The following PSEN1 variants were observed in gnomAD, a reference collection of about 807,000 sequenced individuals.
The protein encoded by PSEN1 is presenilin 1.
Under a neutral mutation model 53.5 loss-of-function variants are expected in PSEN1, and 15 were observed. The observed-to-expected ratio is 0.28, with a 90% CI of 0.19 to 0.43. PSEN1 has a LOEUF of 0.43. Ranked by LOEUF, PSEN1 falls within the 20% of genes least tolerant of loss-of-function variation. The pLI is 1.00. For synonymous variants in PSEN1, 208 were observed against 209.8 expected, an observed-to-expected ratio of 0.99 and a Z score of 0.08; for missense variants, 387 against 571.2, an observed-to-expected ratio of 0.68 and a Z score of 3.29.
intron 8 of PSEN1, among the ~76,000 whole-genome samples, chr14:73,199,777 G>C (rs374039699): frequency 1.3e-5 from 2 of 152,092 alleles, no homozygotes; most frequent in African/African-American, 4.8e-5. Context: ...ACTGAGTCTC[G>C]CTCTGTCATG....
intron 5 of PSEN1, among the ~76,000 whole-genome samples, chr14:73,184,587 G>C: frequency 7.3e-6 from 1 of 136,344 alleles, no homozygotes; most frequent in Admixed American, 7.0e-5. Context: ...TCCCAGTAGG[G>C]GCGGCCGGGC....
At chr14:73,201,291 T>C (rs1899178662) in intron 8 of PSEN1, among the ~76,000 whole-genome samples, 1 of 152,152 alleles carries the variant, frequency 6.6e-6, no homozygotes. Flanking sequence ...TTTCACCATG[T>C]TAGCCAGGAT....
At position 73,209,040 on chromosome 14, in the gene PSEN1, A is replaced by G. The variant is rs10148612; in HGVS notation, c.955+2568A>G. ...GCCCCAAGCGCCCGCACACCCGGCC[A>G]GGTCATGACAGCACCCAGCCTCAGC... On this transcript the variant is annotated intron_variant, in intron 9 of 11. Transcript: ENST00000324501. The G allele has an allele frequency of 7.7e-3, 2,589 of 335,698 alleles. 65 individuals are homozygous for G. Among genetic ancestry groups the G allele is most frequent in the African/African-American group, 0.051 (2,336 of 46,108 alleles). The allele number at this position is 335,698 out of a possible 1,614,324, so 20.8% of individuals were successfully genotyped here.
chr14:73,175,749 C>T (rs1898031897), intron 5 of PSEN1, among the ~76,000 whole-genome samples: 1 of 152,146 alleles, frequency 6.6e-6, no homozygotes, highest in African/African-American at 2.4e-5. Context: ...ACAGTAATAT[C>T]TGTCTTTATG....
intron 5 of PSEN1, among the ~76,000 whole-genome samples, chr14:73,186,397 A>T (rs1898513512): frequency 6.6e-6 from 1 of 152,078 alleles, no homozygotes; most frequent in Non-Finnish European, 1.5e-5. Context: ...AAAAAAGAAT[A>T]TTCAAATGTC....
chr14:73,190,485 T>TAA (rs78682030), intron 6 of PSEN1, among the ~76,000 whole-genome samples: 3 of 133,050 alleles, frequency 2.3e-5, no homozygotes, highest in Non-Finnish European at 3.2e-5. Context: ...TGTCTCTATT[T>TAA]AAAAAAAAAA....
At chr14:73,157,282 C>T (rs1444772470) in intron 3 of PSEN1, among the ~76,000 whole-genome samples, 1 of 151,800 alleles carries the variant, frequency 6.6e-6, no homozygotes, top group Admixed American at 6.6e-5. Context: ...CGCACCACCA[C>T]ACCCAGCTAA....
intron 3 of PSEN1, among the ~76,000 whole-genome samples, chr14:73,151,611 A>C (rs1332545011): frequency 1.3e-5 from 2 of 152,110 alleles, no homozygotes; most frequent in African/African-American, 4.8e-5. Flanking sequence ...GCTGGAGTGC[A>C]GTGGTGCAAT....
intron 1 of PSEN1, among the ~76,000 whole-genome samples, chr14:73,146,299 C>T (rs1013650695): frequency 6.6e-6 from 1 of 151,848 alleles, no homozygotes; most frequent in Non-Finnish European, 1.5e-5. Context: ...GCCATCCCCC[C>T]ACCTCAGCCT....
intron 10 of PSEN1, among the ~76,000 whole-genome samples, chr14:73,215,637 G>C (rs963580130): frequency 6.6e-6 from 1 of 151,998 alleles, no homozygotes; most frequent in Non-Finnish European, 1.5e-5. Flanking sequence ...ATATATAAAG[G>C]ATGCTTACAA....
At chr14:73,218,682 C>A (rs1238630373) in intron 11 of PSEN1, among the ~76,000 whole-genome samples, 1 of 150,988 alleles carries the variant, frequency 6.6e-6, no homozygotes, top group East Asian at 1.9e-4. Context: ...ATAGAGAATG[C>A]CCCCGCACAG....
chr14:73,191,653 C>A (rs1471755700), intron 6 of PSEN1, among the ~76,000 whole-genome samples: 1 of 151,980 alleles, frequency 6.6e-6, no homozygotes. Flanking sequence ...CTCAAGCTAT[C>A]TTCCTGCCCC....
intron 3 of PSEN1, among the ~76,000 whole-genome samples, chr14:73,155,715 CG>C (rs949926214): frequency 2.6e-5 from 4 of 151,580 alleles, no homozygotes; most frequent in African/African-American, 9.7e-5. Context: ...GCTGGGGTCT[CG>C]TTATGTTGCC....
intron 1 of PSEN1, among the ~76,000 whole-genome samples, chr14:73,140,690 CA>C (rs1470308615): frequency 1.7e-4 from 26 of 152,202 alleles, no homozygotes; most frequent in African/African-American, 6.0e-4. Context: ...AGTACCTTTA[CA>C]AAATCCAAAA....
In PSEN1 at chr14:73,148,061, A is replaced by C; in HGVS notation, c.42A>C (p.Ala14=). The C allele has an allele frequency of 6.2e-7, 1 of 1,614,064 alleles. No individual in the cohort carries two copies. The highest frequency in any genetic ancestry group is 8.5e-7 in the Non-Finnish European group (1 of 1,179,936). ...LPAPLSYFQN[A]QMSEDNHLSN... Reference sequence around the variant, plus strand: ...CACCGTTGTCCTACTTCCAGAATGCACAGATGTCTGAGGACAACCACCTGA... The same window carrying C: ...CACCGTTGTCCTACTTCCAGAATGCCCAGATGTCTGAGGACAACCACCTGA... The change falls in exon 3 of 12, where the codon GCA becomes GCC. Residue 14 remains alanine, a synonymous_variant. Coordinates refer to ENST00000324501, the MANE Select transcript of PSEN1 (RefSeq NM_000021.4).
chr14:73,191,419 ATTC>A (rs1898710094), intron 6 of PSEN1, among the ~76,000 whole-genome samples: 2 of 152,138 alleles, frequency 1.3e-5, no homozygotes, highest in Non-Finnish European at 2.9e-5. Flanking sequence ...GTGTATGATG[ATTC>A]TTCTCCCGCT....
intron 1 of PSEN1, among the ~76,000 whole-genome samples, chr14:73,146,471 T>C (rs1897074700): frequency 1.3e-5 from 2 of 152,172 alleles, no homozygotes; most frequent in African/African-American, 4.8e-5. Flanking sequence ...TCAATTAATA[T>C]GAATTTGCAT....
chr14:73,159,813 G>C lies in PSEN1; in HGVS notation c.88-10984G>C, dbSNP rs757677948. Among the ~76,000 whole-genome samples, 34 of 152,098 alleles carry C rather than the reference G, an allele frequency of 2.2e-4. 1 individual carries two copies. The highest frequency in any genetic ancestry group is 2.9e-4 in the Non-Finnish European group (20 of 67,986). Reference sequence around the variant, plus strand: ...ATATGCTTTCTGTTTCTATAACATGGACTACTTGAGTTTTTTTCTTTTTTT... The same window carrying C: ...ATATGCTTTCTGTTTCTATAACATGCACTACTTGAGTTTTTTTCTTTTTTT... On this transcript the variant is annotated intron_variant, in intron 3 of 11. Coordinates refer to ENST00000324501, the MANE Select transcript of PSEN1 (RefSeq NM_000021.4).
intron 8 of PSEN1, among the ~76,000 whole-genome samples, chr14:73,203,165 G>A (rs1482853597): frequency 1.3e-5 from 2 of 151,896 alleles, no homozygotes; most frequent in South Asian, 4.2e-4. Context: ...TGCAACCTCC[G>A]CCTCCCAGGT....
Sources: allele counts gnomAD v4.1 joint callset (sites outside exome capture counted in the v4.1 genomes callset), GRCh38; gene constraint gnomAD v4.1.1; transcripts MANE v1.5; gene names NCBI Gene and HGNC (gene_info 2026-07-23, HGNC 2026-07-21).